Variants in IQCK observed in about 807,000 individuals in gnomAD.
IQCK encodes the protein IQ domain-containing protein K.
Under a neutral mutation model 28.1 loss-of-function variants are expected in IQCK, and 29 were observed. That is an observed-to-expected ratio of 1.03 (90% confidence interval 0.77 to 1.41). The LOEUF is 1.41. Among genes scored for constraint, IQCK ranks in the 40% most tolerant of loss-of-function variants. The pLI is 0.00. For missense variants in IQCK, 359 were observed against 314.7 expected, an observed-to-expected ratio of 1.14 and a Z score of -1.07; for synonymous variants, 113 against 115.1, an observed-to-expected ratio of 0.98 and a Z score of 0.12.
At chr16:19,747,349 C>T (rs1428384694) in intron 4 of IQCK, among the ~76,000 whole-genome samples, 1 of 152,058 alleles carries the variant, frequency 6.6e-6, no homozygotes, top group Non-Finnish European at 1.5e-5. Context: ...GGCAGCCAGG[C>T]AGGGTTGCTT....
downstream of IQCK, among the ~76,000 whole-genome samples, chr16:19,828,893 A>C (rs570051849): frequency 7.1e-6 from 1 of 140,278 alleles, no homozygotes; most frequent in South Asian, 2.1e-4. Context: ...TAAAATATAT[A>C]TTATATATAT....
intron 1 of IQCK, among the ~76,000 whole-genome samples, chr16:19,724,065 G>A (rs1475698775): frequency 1.3e-5 from 2 of 152,076 alleles, no homozygotes; most frequent in East Asian, 3.8e-4. Context: ...AAGCACTTCG[G>A]TACCACTGTT....
chr16:19,837,608 C>T (rs1457118036), intron 9 of IQCK, among the ~76,000 whole-genome samples: 1 of 152,124 alleles, frequency 6.6e-6, no homozygotes, highest in Non-Finnish European at 1.5e-5. Flanking sequence ...AGATCTCTGG[C>T]ACAAAGTGAA....
chr16:19,817,090 A>G (rs2055999352), intron 7 of IQCK, among the ~76,000 whole-genome samples: 1 of 152,162 alleles, frequency 6.6e-6, no homozygotes, highest in Non-Finnish European at 1.5e-5. Context: ...AATTAGGAGA[A>G]TCTGATGGTG....
intron 4 of IQCK, among the ~76,000 whole-genome samples, chr16:19,756,496 C>T (rs1404752748): frequency 6.6e-6 from 1 of 152,154 alleles, no homozygotes; most frequent in African/African-American, 2.4e-5. Context: ...ATATGTTAAT[C>T]TCATCTCCAG....
At chr16:19,805,674 A>G (rs976767827) in intron 7 of IQCK, among the ~76,000 whole-genome samples, 3 of 152,240 alleles carry the variant, frequency 2.0e-5, no homozygotes, top group Admixed American at 2.0e-4. Flanking sequence ...ATACATTTAC[A>G]TCTTATAACC....
At chr16:19,840,025 T>A (rs1440984286) in intron 9 of IQCK, among the ~76,000 whole-genome samples, 4 of 144,260 alleles carry the variant, frequency 2.8e-5, no homozygotes, top group Non-Finnish European at 6.1e-5. Context: ...CAAACAGAAC[T>A]GTTTCCAAAA....
At chr16:19,845,796 C>T (rs186192805) in intron 9 of IQCK, among the ~76,000 whole-genome samples, 4 of 152,206 alleles carry the variant, frequency 2.6e-5, no homozygotes, top group South Asian at 2.1e-4. Context: ...ATTTTATAGC[C>T]GGGCATGGTG....
At chr16:19,727,126 GTC>G (rs199745479) in intron 1 of IQCK, among the ~76,000 whole-genome samples, 12 of 144,850 alleles carry the variant, frequency 8.3e-5, no homozygotes, top group African/African-American at 3.2e-4. Context: ...GCAAGACTCG[GTC>G]TCAAAAAAAA....
chr16:19,768,111 G>T (rs1002127184), intron 6 of IQCK, among the ~76,000 whole-genome samples: 1 of 150,726 alleles, frequency 6.6e-6, no homozygotes, highest in African/African-American at 2.4e-5. Flanking sequence ...CTGCATCCAG[G>T]AACTAATAAA....
At chr16:19,808,984 A>G (rs576894934) in intron 7 of IQCK, among the ~76,000 whole-genome samples, 7 of 152,260 alleles carry the variant, frequency 4.6e-5, no homozygotes, top group African/African-American at 1.7e-4. Context: ...CAGCCTCCCA[A>G]GTAGCCTGGA....
chr16:19,826,918 A>G, intron 7 of IQCK, 108 bp from the exon 8 acceptor site: 3 of 735,796 alleles, frequency 4.1e-6, no homozygotes, highest in Non-Finnish European at 4.9e-6. Context: ...TTCATTGAGA[A>G]TCAAAAGTAC....
chr16:19,823,544 C>T (rs1299961906), intron 7 of IQCK, among the ~76,000 whole-genome samples: 1 of 152,166 alleles, frequency 6.6e-6, no homozygotes, highest in East Asian at 1.9e-4. Context: ...GAGGGAAGCA[C>T]TGACCGGGGC....
At position 19,747,491 on chromosome 16, in the gene IQCK, C is replaced by CT. The variant is rs529141121; in HGVS notation, c.474+12055dup. Among the ~76,000 whole-genome samples the CT allele has an allele frequency of 7.4e-3, 1,069 of 143,650 alleles. 6 individuals carry two copies. The highest frequency in any genetic ancestry group is 0.02 in the African/African-American group (775 of 39,298). The allele number at this position is 143,650 out of a possible 152,430, so 94.2% of individuals were successfully genotyped here. A position where few individuals can be genotyped will look rare whatever the true frequency, so the allele number is the denominator to read the frequency against. The stretch of plus-strand genomic sequence containing the variant: ...ATCCGAAGAGTTAGGAAATAGATTC[C>CT]TTTTTTTTTTTTTTAAGTAAATGTG... On this transcript the variant is annotated intron_variant, in intron 4 of 7. Transcript: ENST00000564186.
Position 19,735,462 on chromosome 16 carries a change from G to A in IQCK, c.474+12G>A. 1 of 1,572,016 alleles carries A rather than the reference G, an allele frequency of 6.4e-7. No individual in the cohort carries two copies. The highest frequency in any genetic ancestry group is 8.8e-7 in the Non-Finnish European group (1 of 1,141,632). The stretch of plus-strand genomic sequence containing the variant: ...AAAAATGTTTTGAGGTCAGTTGTTT[G>A]GCAGGATTTCTTTATTTTGAGATTC... On this transcript the variant is annotated intron_variant, in intron 4 of 7. Transcript: ENST00000564186.
intron 6 of IQCK, among the ~76,000 whole-genome samples, chr16:19,778,531 C>T (rs534868657): frequency 3.3e-5 from 5 of 152,126 alleles, no homozygotes; most frequent in Non-Finnish European, 7.4e-5. Flanking sequence ...ATGGCAGACA[C>T]TTGTAGTCCC....
At chr16:19,720,661 G>A (rs2151670066) in intron 1 of IQCK, among the ~76,000 whole-genome samples, 1 of 152,334 alleles carries the variant, frequency 6.6e-6, no homozygotes, top group East Asian at 1.9e-4. Context: ...AGAAAGCAAA[G>A]ACAAAGGGTT....
intron 4 of IQCK, among the ~76,000 whole-genome samples, chr16:19,755,018 T>C (rs899626619): frequency 1.3e-5 from 2 of 152,166 alleles, no homozygotes; most frequent in Admixed American, 6.5e-5. Flanking sequence ...AAATGCCTTC[T>C]CAATGGAAAA....
At chr16:19,749,550 A>G (rs907096012) in intron 4 of IQCK, among the ~76,000 whole-genome samples, 48 of 152,188 alleles carry the variant, frequency 3.2e-4, no homozygotes, top group Non-Finnish European at 1.6e-4. Flanking sequence ...GCCTGAGCCC[A>G]GGAATTTAAG....
Sources: gnomAD v4.1 joint callset for allele counts (sites outside exome capture counted in the v4.1 genomes callset) on GRCh38, gnomAD v4.1.1 for gene constraint, MANE v1.5 for transcripts, NCBI Gene and HGNC (gene_info 2026-07-23, HGNC 2026-07-21) for gene names.